The following SVOPL variants were observed in gnomAD, a reference collection of about 807,000 sequenced individuals.
SVOPL encodes putative transporter SVOPL.
A neutral mutation model predicts 61.0 loss-of-function variants in SVOPL; 60 were observed. The observed-to-expected ratio is 0.98, with a 90% CI of 0.80 to 1.22. SVOPL has a LOEUF of 1.22. Among genes scored for constraint, SVOPL ranks in the 50% most tolerant of loss-of-function variants. The pLI is 0.00. For synonymous variants in SVOPL, 279 were observed against 250.0 expected (o/e 1.12, Z -1.09); for missense variants, 662 against 643.9 (o/e 1.03, Z -0.30).
intron 7 of SVOPL, among the ~76,000 whole-genome samples, chr7:138,650,407 A>G (rs1182067501): frequency 6.6e-6 from 1 of 152,030 alleles, no homozygotes; most frequent in Non-Finnish European, 1.5e-5. Flanking sequence ...AAGGGGAAGA[A>G]GAGATTAGTT....
At chr7:138,620,584 C>T (rs1584790392) in intron 14 of SVOPL, among the ~76,000 whole-genome samples, 1 of 152,016 alleles carries the variant, frequency 6.6e-6, no homozygotes, top group South Asian at 2.1e-4. Flanking sequence ...TCCAAGTCAC[C>T]CTGGATTTTA....
intron 1 of SVOPL, among the ~76,000 whole-genome samples, chr7:138,684,341 G>T (rs188900106): frequency 6.9e-6 from 1 of 145,848 alleles, no homozygotes; most frequent in East Asian, 2.0e-4. Context: ...CTACAGCCTG[G>T]GCAACACAGC....
chr7:138,602,243 G>T (rs913584761), intron 14 of SVOPL, among the ~76,000 whole-genome samples: 2 of 152,022 alleles, frequency 1.3e-5, no homozygotes, highest in African/African-American at 4.8e-5. Context: ...GTGGACAAAG[G>T]CGTGTTGTGC....
At chr7:138,639,473 G>A (rs922601539) in intron 9 of SVOPL, among the ~76,000 whole-genome samples, 2 of 150,692 alleles carry the variant, frequency 1.3e-5, no homozygotes. Flanking sequence ...TTAAAAAAAC[G>A]AAAGTTATTT....
intron 14 of SVOPL, among the ~76,000 whole-genome samples, chr7:138,608,574 C>A (rs1487321347): frequency 6.6e-6 from 1 of 152,124 alleles, no homozygotes; most frequent in African/African-American, 2.4e-5. Flanking sequence ...GAGGGCACAG[C>A]AGGGATGTCT....
chr7:138,616,293 C>A (rs1250437085), intron 14 of SVOPL, among the ~76,000 whole-genome samples: 2 of 151,980 alleles, frequency 1.3e-5, no homozygotes, highest in East Asian at 3.9e-4. Context: ...GACCTATTGG[C>A]AGAGGCCTTG....
intron 6 of SVOPL, 102 bp from the exon 7 acceptor site, chr7:138,656,613 G>T: frequency 8.1e-7 from 1 of 1,236,852 alleles, no homozygotes; most frequent in Middle Eastern, 2.6e-4. Context: ...GAATTCAAAA[G>T]CATAGAAGTT....
At chr7:138,660,951 G>T (rs950926640) in intron 5 of SVOPL, 1 of 983,030 alleles carries the variant, frequency 1.0e-6, no homozygotes, top group Non-Finnish European at 1.2e-6. Flanking sequence ...ATTATATCTT[G>T]CTATGTATTT....
chr7:138,629,123 A>ATATATATGTGTGTATG (rs1483136853), intron 10 of SVOPL, among the ~76,000 whole-genome samples: 7,869 of 78,278 alleles, frequency 0.1, 303 homozygotes, highest in African/African-American at 0.19. Flanking sequence ...AGCATGTTTT[A>ATATATATGTGTGTATG]TATATGTGTG....
intron 5 of SVOPL, chr7:138,661,861 T>C: frequency 3.0e-6 from 3 of 984,616 alleles, no homozygotes; most frequent in Non-Finnish European, 3.6e-6. Flanking sequence ...CCTACTTATA[T>C]TAATTTCGTC....
Position 138,678,507 on chromosome 7 carries a change from A to C in SVOPL, c.101T>G (p.Val34Gly). The change falls in exon 3 of 16, where the codon GTG (valine) becomes GGG (glycine). Residue 34 changes from valine (V) to glycine (G), a missense_variant. Physicochemically the swap from Val to Gly is moderately radical, Grantham distance 109. Transcript: ENST00000674285. ...PQVKEPKTFTVEDAVETIGFG... is the reference protein window; with the variant it reads ...PQVKEPKTFTGEDAVETIGFG... ...GCCGATAGTCTCCACTGCATCTTCCACGGTGAACGTCTTTGGCTCTAACAA... is the reference window on the plus strand; with the variant it reads ...GCCGATAGTCTCCACTGCATCTTCCCCGGTGAACGTCTTTGGCTCTAACAA... 1 of 1,552,166 alleles carries C rather than the reference A, an allele frequency of 6.4e-7. No homozygotes were observed. Among genetic ancestry groups the C allele is most frequent in the Non-Finnish European group, 8.7e-7 (1 of 1,147,076 alleles).
chr7:138,612,447 TAAAA>T lies in SVOPL; in HGVS notation c.1353+8595_1353+8598del, dbSNP rs59229265. ...AATAAAATAAAAAATAAAAAAAAAATAAAAAAAAAAAAAAAAGAAAGATAAGACT... is the reference window on the plus strand; with the variant it reads ...AATAAAATAAAAAATAAAAAAAAAATAAAAAAAAAAAAGAAAGATAAGACT... On this transcript the variant is annotated intron_variant, in intron 14 of 15. Transcript: ENST00000674285. 9.0e-5 allele frequency among the ~76,000 whole-genome samples: 2 copies of T among 22,298 alleles called. 1 individual carries two copies. The highest frequency in any genetic ancestry group is 1.8e-4 in the Non-Finnish European group (2 of 10,866). 14.6% of individuals were successfully genotyped at this position (22,298 alleles called of 152,430 possible).
chr7:138,671,810 A>T (rs796939834), intron 4 of SVOPL, among the ~76,000 whole-genome samples: 17 of 152,366 alleles, frequency 1.1e-4, no homozygotes, highest in African/African-American at 3.8e-4. Flanking sequence ...TCTGAATTGC[A>T]TCTCTCATGT....
Position 138,672,021 on chromosome 7 carries a change from T to C in SVOPL, c.271A>G (p.Thr91Ala). The C allele has an allele frequency of 6.4e-7, 1 of 1,551,652 alleles. No individual in the cohort carries two copies. The highest frequency in any genetic ancestry group is 8.7e-7 in the Non-Finnish European group (1 of 1,146,972). ...CGGCACAGGGAGCAGGTACTTACCG[T>C]GGTTACTAATGCCACCTGCCAATTC... is the stretch of plus-strand genomic sequence containing the variant. ...LENWQVALVT[T>A]MVFFGYMVFS... Residue 91 changes from threonine (T) to alanine (A), a missense_variant and splice_region_variant, in exon 4 of 16, where the codon ACG becomes GCG. By Grantham distance (58) the Thr-to-Ala change is moderately conservative (BLOSUM62 0). Transcript: ENST00000674285.
intron 10 of SVOPL, among the ~76,000 whole-genome samples, chr7:138,629,286 A>C (rs1395839156): frequency 6.7e-6 from 1 of 149,144 alleles, no homozygotes; most frequent in East Asian, 2.0e-4. Flanking sequence ...GCTTGAGTGC[A>C]GTGGTGCAAT....
intron 9 of SVOPL, among the ~76,000 whole-genome samples, chr7:138,631,464 C>T (rs926584737): frequency 3.3e-5 from 5 of 152,100 alleles, no homozygotes; most frequent in African/African-American, 1.2e-4. Flanking sequence ...ATCCCCACCT[C>T]CCCCCATCCT....
chr7:138,654,395 A>C (rs1290582515), intron 7 of SVOPL, among the ~76,000 whole-genome samples: 2 of 151,678 alleles, frequency 1.3e-5, no homozygotes, highest in African/African-American at 4.9e-5. Context: ...GTATCAATAA[A>C]ATAAATTGTT....
chr7:138,641,513 A>T (rs556884731), intron 9 of SVOPL, among the ~76,000 whole-genome samples: 1 of 151,850 alleles, frequency 6.6e-6, no homozygotes, highest in Non-Finnish European at 1.5e-5. Flanking sequence ...TCTACTAAAA[A>T]CACAAATATT....
chr7:138,651,096 A>G (rs903541786), intron 7 of SVOPL, among the ~76,000 whole-genome samples: 4 of 151,896 alleles, frequency 2.6e-5, no homozygotes, highest in Non-Finnish European at 5.9e-5. Context: ...TCCCTCAGGT[A>G]TGAGCCAGTT....
Sources: gnomAD v4.1 joint callset for allele counts (sites outside exome capture counted in the v4.1 genomes callset) on GRCh38, gnomAD v4.1.1 for gene constraint, MANE v1.5 for transcripts, NCBI Gene and HGNC (gene_info 2026-07-23, HGNC 2026-07-21) for gene names.